Variants in FSTL4 observed in about 807,000 individuals in gnomAD.
The protein encoded by FSTL4 is follistatin-related protein 4.
A neutral mutation model predicts 78.2 loss-of-function variants in FSTL4; 28 were observed. That is an observed-to-expected ratio of 0.36 (90% CI 0.27 to 0.49). The LOEUF (loss-of-function observed/expected upper bound fraction) is 0.49, where lower values mean the gene tolerates loss of function less well. Ranked by LOEUF, FSTL4 falls within the 20% of genes least tolerant of loss-of-function variation. The probability of loss-of-function intolerance (pLI) is 0.98; values close to 1 mark genes in which losing one functional copy is unlikely to be tolerated. For synonymous variants in FSTL4, 422 were observed against 440.5 expected (o/e 0.96, Z 0.53); for missense variants, 922 against 1,084.9 (o/e 0.85, Z 2.11).
intron 4 of FSTL4, among the ~76,000 whole-genome samples, chr5:133,381,297 A>T (rs893571740): frequency 6.6e-6 from 1 of 152,358 alleles, no homozygotes; most frequent in Admixed American, 6.5e-5. Flanking sequence ...TGGCATAGTT[A>T]TACAAGGGGA....
the FSTL4 span, among the ~76,000 whole-genome samples, chr5:133,812,436 T>C: frequency 3.5e-3 from 539 of 152,324 alleles, 13 homozygotes; most frequent in East Asian, 0.059. Flanking sequence ...ATCACACCCT[T>C]CCTATGGGTC....
intron 4 of FSTL4, among the ~76,000 whole-genome samples, chr5:133,330,588 G>A (rs969545973): frequency 5.9e-5 from 9 of 152,074 alleles, no homozygotes; most frequent in Non-Finnish European, 1.3e-4. Flanking sequence ...TCCAACACTG[G>A]GGATTGCATT....
intron 8 of FSTL4, 103 bp downstream of exon 8, chr5:133,233,314 A>G: frequency 7.9e-7 from 1 of 1,269,258 alleles, no homozygotes; most frequent in Non-Finnish European, 1.1e-6. Flanking sequence ...TTGGGGTTAG[A>G]TATTTCTTTA....
At chr5:133,452,668 T>C (rs1757408413) in intron 3 of FSTL4, among the ~76,000 whole-genome samples, 1 of 152,204 alleles carries the variant, frequency 6.6e-6, no homozygotes, top group South Asian at 2.1e-4. Flanking sequence ...GGTTAAGCAA[T>C]CAGTCCAAGA....
intron 3 of FSTL4, among the ~76,000 whole-genome samples, chr5:133,546,334 C>T (rs921862922): frequency 5.3e-5 from 8 of 151,736 alleles, no homozygotes; most frequent in Non-Finnish European, 1.0e-4. Context: ...GGTGAAACCC[C>T]GTCTCTACTA....
intron 3 of FSTL4, among the ~76,000 whole-genome samples, chr5:133,474,194 T>C (rs1224884518): frequency 6.6e-6 from 1 of 152,150 alleles, no homozygotes; most frequent in East Asian, 1.9e-4. Context: ...ATACAGGTGG[T>C]GCCTAATAAC....
intron 4 of FSTL4, among the ~76,000 whole-genome samples, chr5:133,392,123 C>A (rs1364552194): frequency 6.6e-6 from 1 of 152,194 alleles, no homozygotes; most frequent in East Asian, 1.9e-4. Flanking sequence ...TTTGAAGAAG[C>A]ATCTGACCCG....
intron 4 of FSTL4, among the ~76,000 whole-genome samples, chr5:133,395,913 C>G (rs760271335): frequency 7.2e-5 from 11 of 152,180 alleles, no homozygotes; most frequent in Admixed American, 2.0e-4. Context: ...TTTGTCCAGA[C>G]TGGGGATCAG....
chr5:133,794,117 G>A, the FSTL4 span, among the ~76,000 whole-genome samples: 1 of 151,788 alleles, frequency 6.6e-6, no homozygotes, highest in Non-Finnish European at 1.5e-5. Flanking sequence ...GGAGCTCCGG[G>A]CTCTGCAGAT....
intron 3 of FSTL4, among the ~76,000 whole-genome samples, chr5:133,427,969 C>T (rs1404727223): frequency 2.0e-5 from 3 of 152,304 alleles, no homozygotes; most frequent in South Asian, 4.1e-4. Flanking sequence ...ATTTCAAGAA[C>T]TCTTCTGGAG....
chr5:133,725,609 G>C, the FSTL4 span, among the ~76,000 whole-genome samples: 1 of 152,166 alleles, frequency 6.6e-6, no homozygotes, highest in Admixed American at 6.5e-5. Context: ...TGGACCACAT[G>C]GGGGTACTCA....
chr5:133,662,686 TC>T, the FSTL4 span, among the ~76,000 whole-genome samples: 1 of 152,312 alleles, frequency 6.6e-6, no homozygotes, highest in East Asian at 1.9e-4. Flanking sequence ...GTCAGGTGTG[TC>T]CCATTCACAG....
intron 3 of FSTL4, among the ~76,000 whole-genome samples, chr5:133,536,600 G>C (rs1343099049): frequency 6.6e-6 from 1 of 151,960 alleles, no homozygotes; most frequent in Non-Finnish European, 1.5e-5. Flanking sequence ...TAGTTATAAA[G>C]TATATGTGGC....
At chr5:133,355,524 C>A (rs1390140296) in intron 4 of FSTL4, among the ~76,000 whole-genome samples, 1 of 152,050 alleles carries the variant, frequency 6.6e-6, no homozygotes, top group South Asian at 2.1e-4. Flanking sequence ...GGTGTGGTGG[C>A]GCATGCCTAT....
At chr5:133,228,719 T>C (rs1302381884) in intron 8 of FSTL4, among the ~76,000 whole-genome samples, 8 of 151,896 alleles carry the variant, frequency 5.3e-5, no homozygotes, top group Admixed American at 5.2e-4. Flanking sequence ...GGAAAATCCC[T>C]CAATAAAATA....
chr5:133,428,258 T>C (rs964848618), intron 3 of FSTL4, among the ~76,000 whole-genome samples: 2 of 152,200 alleles, frequency 1.3e-5, no homozygotes, highest in African/African-American at 4.8e-5. Flanking sequence ...GCCAGACAGA[T>C]GATGTAATCT....
At chr5:133,560,511 G>A (rs1759888257) in intron 3 of FSTL4, among the ~76,000 whole-genome samples, 1 of 151,936 alleles carries the variant, frequency 6.6e-6, no homozygotes, top group Admixed American at 6.6e-5. Flanking sequence ...CTACAGGCAT[G>A]CACCAACATG....
At chr5:133,443,500 C>A (rs9327651) in intron 3 of FSTL4, among the ~76,000 whole-genome samples, 1,763 of 152,336 alleles carry the variant, frequency 0.012, 40 homozygotes, top group African/African-American at 0.04. Flanking sequence ...CCTTCAGGCC[C>A]ATCCCTCTGG....
At chr5:133,504,524 C>T (rs1398761183) in intron 3 of FSTL4, among the ~76,000 whole-genome samples, 2 of 152,142 alleles carry the variant, frequency 1.3e-5, no homozygotes, top group African/African-American at 4.8e-5. Context: ...CAAGTCACAA[C>T]CCTGATTACA....
Sources: allele counts gnomAD v4.1 joint callset (sites outside exome capture counted in the v4.1 genomes callset), GRCh38; gene constraint gnomAD v4.1.1; transcripts MANE v1.5; gene names NCBI Gene and HGNC (gene_info 2026-07-23, HGNC 2026-07-21).